DLGAP2: variants seen among roughly 807,000 people sequenced by gnomAD.
The protein encoded by DLGAP2 is DLG associated protein 2.
Under a neutral mutation model 100.3 loss-of-function variants are expected in DLGAP2, and 26 were observed. The ratio of observed to expected loss-of-function variants is 0.26; its 90% CI spans 0.19 to 0.36. The LOEUF (loss-of-function observed/expected upper bound fraction) is 0.36, where lower values mean the gene tolerates loss of function less well. Among genes scored for constraint, DLGAP2 ranks in the 10% least tolerant of loss-of-function variants. The pLI is 1.00. For missense variants in DLGAP2, 1,858 were observed against 1,453.2 expected, an observed-to-expected ratio of 1.28 and a Z score of -4.53; for synonymous variants, 886 against 630.1, an observed-to-expected ratio of 1.41 and a Z score of -6.08.
chr8:928,839 CAGG>C (rs1244277163), intron 2 of DLGAP2, among the ~76,000 whole-genome samples: 1 of 151,978 alleles, frequency 6.6e-6, no homozygotes, highest in Non-Finnish European at 1.5e-5. Flanking sequence ...GAGGAGGAAA[CAGG>C]AGCACTGAGG....
intron 3 of DLGAP2, among the ~76,000 whole-genome samples, chr8:1,312,084 C>T (rs1381719460): frequency 1.3e-5 from 2 of 152,180 alleles, no homozygotes; most frequent in East Asian, 1.9e-4. Flanking sequence ...CTACTTCATC[C>T]AACAGCAGCA....
chr8:1,408,665 T>A (rs78109248), intron 3 of DLGAP2, among the ~76,000 whole-genome samples: 1 of 152,106 alleles, frequency 6.6e-6, no homozygotes, highest in African/African-American at 2.4e-5. Flanking sequence ...TCTTGGATGT[T>A]TGAGGCCTTC....
intron 2 of DLGAP2, among the ~76,000 whole-genome samples, chr8:917,765 G>A (rs1365165533): frequency 6.6e-6 from 1 of 152,034 alleles, no homozygotes; most frequent in Non-Finnish European, 1.5e-5. Context: ...ATTTTTAGTA[G>A]AGATTGGGTT....
chr8:951,671 G>A (rs2129007954), intron 2 of DLGAP2, among the ~76,000 whole-genome samples: 1 of 152,298 alleles, frequency 6.6e-6, no homozygotes, highest in South Asian at 2.1e-4. Context: ...GTACTGCGTG[G>A]CATGCTGTGC....
At chr8:789,376 C>G (rs1821963948) in intron 1 of DLGAP2, among the ~76,000 whole-genome samples, 1 of 152,118 alleles carries the variant, frequency 6.6e-6, no homozygotes. Flanking sequence ...GGGGGAGGTG[C>G]TACACACTTT....
chr8:935,439 T>G (rs1799049207), intron 2 of DLGAP2, among the ~76,000 whole-genome samples: 1 of 152,218 alleles, frequency 6.6e-6, no homozygotes, highest in Non-Finnish European at 1.5e-5. Flanking sequence ...TATTAATTTT[T>G]TTATGTGGAT....
At chr8:1,312,703 A>C (rs1055447440) in intron 3 of DLGAP2, among the ~76,000 whole-genome samples, 2 of 152,364 alleles carry the variant, frequency 1.3e-5, no homozygotes, top group Middle Eastern at 3.4e-3. Context: ...ATTTACAAAA[A>C]ATAAAATTAA....
At chr8:1,172,591 T>C (rs1298049452) in intron 2 of DLGAP2, among the ~76,000 whole-genome samples, 4 of 152,186 alleles carry the variant, frequency 2.6e-5, no homozygotes, top group African/African-American at 4.8e-5. Flanking sequence ...TTCTTTTTAT[T>C]CTTTTTTCTC....
At chr8:1,187,108 T>C (rs1281495883) in intron 2 of DLGAP2, among the ~76,000 whole-genome samples, 1 of 152,008 alleles carries the variant, frequency 6.6e-6, no homozygotes, top group Non-Finnish European at 1.5e-5. Flanking sequence ...CGTTCAAAGA[T>C]GATTGTCAGT....
At chr8:814,457 C>A (rs895794826) in intron 1 of DLGAP2, among the ~76,000 whole-genome samples, 2 of 152,128 alleles carry the variant, frequency 1.3e-5, no homozygotes, top group African/African-American at 4.8e-5. Context: ...CTTTATGTAA[C>A]TATGTCCTGA....
At chr8:1,184,620 C>A (rs528435277) in intron 2 of DLGAP2, among the ~76,000 whole-genome samples, 8 of 152,178 alleles carry the variant, frequency 5.3e-5, no homozygotes, top group Admixed American at 5.2e-4. Flanking sequence ...GATGCCGAGC[C>A]TGGGGCTGGA....
At chr8:1,211,103 G>A (rs151137227) in intron 2 of DLGAP2, among the ~76,000 whole-genome samples, 17 of 152,346 alleles carry the variant, frequency 1.1e-4, no homozygotes, top group African/African-American at 3.6e-4. Context: ...GTTTGAGGAC[G>A]TTTCCAAGCT....
In DLGAP2 at chr8:1,303,916, C is replaced by T. The variant is rs562945105; in HGVS notation, c.106+45033C>T. ...AGGGAGATGGGATTTTGAGGCCATT[C>T]ACCTCCCTCGTAAATGGAGCCGCTG... On this transcript the variant is annotated intron_variant, in intron 3 of 14. Coordinates refer to ENST00000637795, the MANE Select transcript of DLGAP2 (RefSeq NM_001346810.2). Among the ~76,000 whole-genome samples the T allele has an allele frequency of 7.2e-5, 11 of 152,288 alleles. No homozygotes were observed. The East Asian group carries it at 2.1e-3, about 30-fold the overall frequency.
intron 4 of DLGAP2, among the ~76,000 whole-genome samples, chr8:1,507,154 C>G (rs1446300416): frequency 1.3e-5 from 2 of 152,226 alleles, no homozygotes; most frequent in Non-Finnish European, 2.9e-5. Context: ...TGCCAGGCGC[C>G]TGCACTCCTC....
intron 14 of DLGAP2, among the ~76,000 whole-genome samples, chr8:1,700,854 C>A (rs981373253): frequency 6.6e-6 from 1 of 152,220 alleles, no homozygotes; most frequent in Non-Finnish European, 1.5e-5. Flanking sequence ...TTGGGAAGCG[C>A]AGGAATCGGG....
intron 2 of DLGAP2, among the ~76,000 whole-genome samples, chr8:1,102,077 G>C (rs929404031): frequency 4.0e-5 from 6 of 151,722 alleles, no homozygotes; most frequent in South Asian, 2.1e-4. Flanking sequence ...CAGATAAAGA[G>C]AAGAACTCAT....
intron 2 of DLGAP2, among the ~76,000 whole-genome samples, chr8:919,558 G>A (rs147260562): frequency 5.6e-4 from 86 of 152,314 alleles, no homozygotes; most frequent in African/African-American, 2.0e-3. Flanking sequence ...GGTTGGCCTT[G>A]AGAATAGAGT....
chr8:1,342,602 G>C lies in DLGAP2; in HGVS notation c.106+83719G>C, dbSNP rs564951909. ...TGACAGGTACAAGTGCCAAAGGCTG[G>C]CTGTGCACCGTGCTGGCATTTCAGC... On this transcript the variant is annotated intron_variant, in intron 3 of 14. Coordinates refer to ENST00000637795, the MANE Select transcript of DLGAP2 (RefSeq NM_001346810.2). Among the ~76,000 whole-genome samples, 11 of 152,330 alleles carry C rather than the reference G, an allele frequency of 7.2e-5. No individual in the cohort carries two copies. The South Asian group carries it at 2.3e-3, about 32-fold the overall frequency.
intron 2 of DLGAP2, among the ~76,000 whole-genome samples, chr8:1,110,621 C>G (rs1804924546): frequency 6.6e-6 from 1 of 151,962 alleles, no homozygotes; most frequent in African/African-American, 2.4e-5. Context: ...AGAGATCCAG[C>G]AGTGCCATAC....
Sources: allele counts gnomAD v4.1 joint callset (sites outside exome capture counted in the v4.1 genomes callset), GRCh38; gene constraint gnomAD v4.1.1; transcripts MANE v1.5; gene names NCBI Gene and HGNC (gene_info 2026-07-23, HGNC 2026-07-21).